The following MICU1 variants were observed in gnomAD, a reference collection of about 807,000 sequenced individuals.
MICU1 encodes calcium uptake protein 1, mitochondrial.
Under a neutral mutation model 56.8 loss-of-function variants are expected in MICU1, and 45 were observed. The observed-to-expected ratio is 0.79, with a 90% CI of 0.62 to 1.02. The LOEUF (loss-of-function observed/expected upper bound fraction) is 1.02. Ranked by LOEUF, MICU1 falls within the 50% of genes least tolerant of loss-of-function variation. The pLI is 0.00. For synonymous variants in MICU1, 186 were observed against 195.1 expected, an observed-to-expected ratio of 0.95 and a Z score of 0.39; for missense variants, 504 against 587.1, an observed-to-expected ratio of 0.86 and a Z score of 1.46.
intron 6 of MICU1, among the ~76,000 whole-genome samples, chr10:72,489,897 C>T (rs1866597461): frequency 6.6e-6 from 1 of 152,206 alleles, no homozygotes; most frequent in South Asian, 2.1e-4. Context: ...CTGGGAGATA[C>T]GGTGTATATA....
chr10:72,518,844 C>T (rs768848310), intron 5 of MICU1, among the ~76,000 whole-genome samples: 1 of 152,064 alleles, frequency 6.6e-6, no homozygotes, highest in Non-Finnish European at 1.5e-5. Flanking sequence ...CCATGCCTGG[C>T]TAAGTTTTGT....
chr10:72,571,589 T>C (rs1298926628), intron 1 of MICU1, among the ~76,000 whole-genome samples: 1 of 152,116 alleles, frequency 6.6e-6, no homozygotes, highest in Non-Finnish European at 1.5e-5. Flanking sequence ...GGTTAAAGCA[T>C]TATCAGTCTA....
chr10:72,521,297 T>C (rs982561144), intron 5 of MICU1, among the ~76,000 whole-genome samples: 2 of 152,100 alleles, frequency 1.3e-5, no homozygotes, highest in Non-Finnish European at 2.9e-5. Flanking sequence ...AGAAACCGTG[T>C]TGATGAAGGA....
chr10:72,491,643 G>A (rs1866658065), intron 6 of MICU1, among the ~76,000 whole-genome samples: 1 of 152,130 alleles, frequency 6.6e-6, no homozygotes, highest in Non-Finnish European at 1.5e-5. Flanking sequence ...CAGGCCCGGA[G>A]TTCGAGAGTT....
intron 5 of MICU1, among the ~76,000 whole-genome samples, chr10:72,526,449 C>T (rs1467854963): frequency 1.3e-5 from 2 of 152,118 alleles, no homozygotes; most frequent in African/African-American, 4.8e-5. Context: ...GCGCCTGCCA[C>T]CAAGCCCAGC....
At chr10:72,392,690 C>G (rs553006384) in intron 10 of MICU1, among the ~76,000 whole-genome samples, 1 of 152,242 alleles carries the variant, frequency 6.6e-6, no homozygotes, top group Non-Finnish European at 1.5e-5. Flanking sequence ...AACTTCTGCT[C>G]TTAACCATTA....
chr10:72,600,393 A>G (rs1841495608), intron 1 of MICU1, among the ~76,000 whole-genome samples: 1 of 151,960 alleles, frequency 6.6e-6, no homozygotes, highest in Non-Finnish European at 1.5e-5. Context: ...TCACACCTGT[A>G]ATCCCAGCAC....
chr10:72,537,729 T>C (rs545955733), intron 4 of MICU1, among the ~76,000 whole-genome samples: 2 of 109,708 alleles, frequency 1.8e-5, no homozygotes, highest in South Asian at 2.7e-4. Context: ...CAAAATACTA[T>C]AAATATGTGT....
chr10:72,574,572 T>A (rs1471889622), intron 1 of MICU1, among the ~76,000 whole-genome samples: 1 of 151,928 alleles, frequency 6.6e-6, no homozygotes, highest in Admixed American at 6.6e-5. Context: ...GAGATAATAA[T>A]GATAATAATG....
chr10:72,557,835 T>C (rs961798129), intron 3 of MICU1, among the ~76,000 whole-genome samples: 1 of 152,238 alleles, frequency 6.6e-6, no homozygotes, highest in African/African-American at 2.4e-5. Context: ...CTATTCATTC[T>C]GTTGTTTGTA....
At chr10:72,515,371 CTG>C (rs1355550143) in intron 5 of MICU1, among the ~76,000 whole-genome samples, 1 of 152,172 alleles carries the variant, frequency 6.6e-6, no homozygotes. Flanking sequence ...GAGTTCCCCG[CTG>C]TGTCATTTTT....
chr10:72,621,331 T>C (rs980651434), intron 1 of MICU1, among the ~76,000 whole-genome samples: 6 of 150,504 alleles, frequency 4.0e-5, no homozygotes, highest in Admixed American at 2.0e-4. Flanking sequence ...CTACTTAAAA[T>C]ACAAAAAAAA....
chr10:72,435,385 C>CAAAAA (rs34955776), intron 8 of MICU1, among the ~76,000 whole-genome samples: 1 of 48,076 alleles, frequency 2.1e-5, no homozygotes, highest in Admixed American at 2.5e-4. Flanking sequence ...GACCCTGTTA[C>CAAAAA]AAAAAAAAAA....
intron 1 of MICU1, among the ~76,000 whole-genome samples, chr10:72,599,993 A>G (rs1564956089): frequency 6.6e-6 from 1 of 152,182 alleles, no homozygotes; most frequent in Non-Finnish European, 1.5e-5. Flanking sequence ...ATTGTGAGGA[A>G]AGAAAAAGAA....
intron 5 of MICU1, among the ~76,000 whole-genome samples, chr10:72,516,772 C>T (rs1241010820): frequency 6.6e-6 from 1 of 152,086 alleles, no homozygotes; most frequent in African/African-American, 2.4e-5. Context: ...TCTGAGGTCT[C>T]TGTTCTGTTC....
intron 8 of MICU1, among the ~76,000 whole-genome samples, chr10:72,454,147 A>G (rs1421239190): frequency 6.6e-6 from 1 of 151,992 alleles, no homozygotes; most frequent in Non-Finnish European, 1.5e-5. Context: ...ATTCCTTTAG[A>G]TTCAAATTTA....
intron 9 of MICU1, among the ~76,000 whole-genome samples, chr10:72,414,768 CT>C (rs1328239927): frequency 1.3e-5 from 2 of 152,122 alleles, no homozygotes; most frequent in African/African-American, 4.8e-5. Flanking sequence ...GAAAATGTAG[CT>C]TCCTTTGGAG....
At position 72,536,377 on chromosome 10, in the gene MICU1, C is replaced by T. The variant is rs145111373; in HGVS notation, c.494-2588G>A. On this transcript the variant is annotated intron_variant, in intron 4 of 11. Coordinates refer to ENST00000361114, the MANE Select transcript of MICU1 (RefSeq NM_001195518.2). ...TTAATTATTTTTTGAGATGGAGTCT[C>T]GCTTTGTCCCCCAGGCTGGAGTGCA... 2.8e-4 allele frequency among the ~76,000 whole-genome samples: 42 copies of T among 152,054 alleles called. No individual in the cohort carries two copies. The East Asian group carries it at 7.1e-3, about 26-fold the overall frequency.
In MICU1 at chr10:72,420,312, C is replaced by T. The variant is rs575249606; in HGVS notation, c.1071+2922G>A. 7.4e-4 allele frequency among the ~76,000 whole-genome samples: 113 copies of T among 152,268 alleles called. 4 individuals carry two copies. The South Asian group carries it at 0.022, about 30-fold the overall frequency. ...CCAACCTCAGGTGATTTGCCTGCCT[C>T]GGCCTCCCAAAGTGCTGGGATTACA... On this transcript the variant is annotated intron_variant, in intron 9 of 11. Transcript: ENST00000361114.
Sources: gnomAD v4.1 joint callset for allele counts (sites outside exome capture counted in the v4.1 genomes callset) on GRCh38, gnomAD v4.1.1 for gene constraint, MANE v1.5 for transcripts, NCBI Gene and HGNC (gene_info 2026-07-23, HGNC 2026-07-21) for gene names.